The following NPIPB7 variants were observed in gnomAD, a reference collection of about 807,000 sequenced individuals.
NPIPB7 encodes the protein nuclear pore complex interacting protein family member B7, also known as nuclear pore complex-interacting protein family member B7.
For missense variants in NPIPB7, 14 were observed against 238.5 expected (o/e 0.06, Z 6.20); for synonymous variants, 9 against 88.1 (o/e 0.10, Z 5.03).
intron 4 of NPIPB7, among the ~76,000 whole-genome samples, chr16:28,462,198 T>C (rs1436620580): frequency 3.9e-4 from 59 of 149,708 alleles, no homozygotes; most frequent in South Asian, 1.0e-3. Context: ...GGCAGGTGGA[T>C]TACCTGAGGT....
chr16:28,463,552 C>T (rs1382148854), intron 2 of NPIPB7, among the ~76,000 whole-genome samples: 17 of 141,896 alleles, frequency 1.2e-4, no homozygotes, highest in East Asian at 4.7e-4. Context: ...CATGGAGAAA[C>T]GCTGTCTCTG....
chr16:28,463,751 A>G (rs1179684701), intron 2 of NPIPB7, among the ~76,000 whole-genome samples: 2 of 129,090 alleles, frequency 1.5e-5, no homozygotes, highest in Non-Finnish European at 1.7e-5. Context: ...AAAAAAAAAA[A>G]ATAGCCCAGG....
At chr16:28,461,742 G>T (rs1443908325) in intron 4 of NPIPB7, among the ~76,000 whole-genome samples, 2 of 149,010 alleles carry the variant, frequency 1.3e-5, no homozygotes, top group African/African-American at 5.0e-5. Flanking sequence ...GATGTCCAGA[G>T]TTCTAGACCA....
intron 6 of NPIPB7, among the ~76,000 whole-genome samples, chr16:28,457,919 G>GA (rs2045853336): frequency 7.3e-6 from 1 of 137,180 alleles, no homozygotes; most frequent in African/African-American, 2.6e-5. Flanking sequence ...TTTGTCCATG[G>GA]AAAAATGAGG....
intron 2 of NPIPB7, among the ~76,000 whole-genome samples, chr16:28,465,413 A>T (rs1355173402): frequency 7.7e-5 from 6 of 77,800 alleles, no homozygotes; most frequent in East Asian, 8.6e-4. Flanking sequence ...TGAAGCCAGG[A>T]GGTGGAGGTT....
chr16:28,470,663 TAAGGG>T, upstream of NPIPB7: 1 of 138,476 alleles, frequency 7.2e-6, no homozygotes, highest in Non-Finnish European at 1.3e-5. Flanking sequence ...AGGGGGGAAG[TAAGGG>T]AAGGGAAAGG....
chr16:28,472,293 G>T (rs190584484), upstream of NPIPB7, among the ~76,000 whole-genome samples: 160 of 151,258 alleles, frequency 1.1e-3, 1 homozygote, highest in African/African-American at 3.6e-3. Flanking sequence ...GGCTAATTGG[G>T]AGGCTGAGGC....
chr16:28,472,179 A>T, upstream of NPIPB7, among the ~76,000 whole-genome samples: 1 of 152,212 alleles, frequency 6.6e-6, no homozygotes, highest in East Asian at 1.9e-4. Context: ...TCTGGAGGTC[A>T]AGGTGGGCAG....
At chr16:28,470,829 G>A (rs1159841689), upstream of NPIPB7, among the ~76,000 whole-genome samples, 3 of 138,520 alleles carry the variant, frequency 2.2e-5, no homozygotes, top group East Asian at 2.3e-4. Context: ...AACAGGACAC[G>A]CGGGGCAAGG....
chr16:28,469,674 G>A (rs1348722852), intron 1 of NPIPB7: 1 of 365,528 alleles, frequency 2.7e-6, no homozygotes, highest in African/African-American at 2.2e-5. Context: ...ACTTTCCAAA[G>A]TTAGTAAACT....
upstream of NPIPB7, among the ~76,000 whole-genome samples, chr16:28,472,199 G>A (rs1249274536): frequency 6.6e-6 from 1 of 152,184 alleles, no homozygotes; most frequent in Non-Finnish European, 1.5e-5. Flanking sequence ...GATCATTTGA[G>A]CTGAGGAGTT....
intron 2 of NPIPB7, among the ~76,000 whole-genome samples, chr16:28,463,665 G>A (rs1219309562): frequency 1.9e-5 from 2 of 105,846 alleles, no homozygotes; most frequent in Non-Finnish European, 4.1e-5. Context: ...AGAAAAGGTT[G>A]TGGTGAGCTG....
rs1217136552 is a variant in NPIPB7 at position 28,468,755 on chromosome 16, C to T, written c.66+1618G>A. Reference sequence around the variant, plus strand: ...CCAGGAGGCAGAGGTTGCAGTGAGCCGAGATCGCACCACTGCACTTCAGCC... The same window carrying T: ...CCAGGAGGCAGAGGTTGCAGTGAGCTGAGATCGCACCACTGCACTTCAGCC... On this transcript the variant is annotated intron_variant, in intron 1 of 6. Coordinates refer to ENST00000452313, the Ensembl canonical transcript of NPIPB7. Among the ~76,000 whole-genome samples the T allele has an allele frequency of 4.1e-4, 48 of 116,626 alleles. 3 individuals are homozygous for T. Among genetic ancestry groups the T allele is most frequent in the African/African-American group, 1.1e-3 (39 of 36,252 alleles). The allele number at this position is 116,626 out of a possible 152,430, so 76.5% of individuals were successfully genotyped here. A position where few individuals can be genotyped will look rare whatever the true frequency, so the allele number is the denominator to read the frequency against.
intron 1 of NPIPB7, among the ~76,000 whole-genome samples, chr16:28,468,744 T>C (rs999228797): frequency 8.2e-6 from 1 of 122,662 alleles, no homozygotes; most frequent in Non-Finnish European, 1.8e-5. Flanking sequence ...GAGGCAGAGG[T>C]TGCAGTGAGC....
chr16:28,465,589 T>G (rs2045901853), intron 2 of NPIPB7, among the ~76,000 whole-genome samples: 1 of 136,524 alleles, frequency 7.3e-6, no homozygotes, highest in Non-Finnish European at 1.6e-5. Flanking sequence ...TGCCTAGATA[T>G]CTTCATAACT....
chr16:28,469,376 A>G (rs2045925785), intron 1 of NPIPB7, among the ~76,000 whole-genome samples: 3 of 124,792 alleles, frequency 2.4e-5, no homozygotes, highest in African/African-American at 7.8e-5. Flanking sequence ...AGGCGGGCGG[A>G]TCACCTGAGG....
chr16:28,461,021 GAGA>G (rs1256540718), intron 4 of NPIPB7, among the ~76,000 whole-genome samples: 2 of 95,540 alleles, frequency 2.1e-5, no homozygotes, highest in Non-Finnish European at 4.2e-5. Context: ...GGTGAAGATG[GAGA>G]AGAAGGAAAC....
chr16:28,468,789 A>G (rs2045921213), intron 1 of NPIPB7, among the ~76,000 whole-genome samples: 1 of 102,918 alleles, frequency 9.7e-6, no homozygotes, highest in African/African-American at 3.2e-5. Flanking sequence ...CCTGGGTGAC[A>G]GAGTGAGACT....
At chr16:28,461,339 C>T (rs2141679139) in intron 4 of NPIPB7, among the ~76,000 whole-genome samples, 1 of 138,622 alleles carries the variant, frequency 7.2e-6, no homozygotes, top group East Asian at 2.4e-4. Context: ...GACCCGTGAC[C>T]ATCCCCCAGA....
Sources: gnomAD v4.1 joint callset for allele counts (sites outside exome capture counted in the v4.1 genomes callset) on GRCh38, gnomAD v4.1.1 for gene constraint, MANE v1.5 for transcripts, NCBI Gene and HGNC (gene_info 2026-07-23, HGNC 2026-07-21) for gene names.